The following C4orf50 variants were observed in gnomAD, a reference collection of about 807,000 sequenced individuals.
C4orf50 encodes the protein uncharacterized protein C4orf50.
A neutral mutation model predicts 77.2 loss-of-function variants in C4orf50; 80 were observed. The observed-to-expected ratio is 1.04, with a 90% CI of 0.87 to 1.25. C4orf50 has a LOEUF of 1.25. Ranked by LOEUF, C4orf50 falls within the 50% of genes most tolerant of loss-of-function variation. The pLI is 0.00. For missense variants in C4orf50, 1,257 were observed against 1,152.9 expected, an observed-to-expected ratio of 1.09 and a Z score of -1.31; for synonymous variants, 532 against 465.3, an observed-to-expected ratio of 1.14 and a Z score of -1.84.
intron 33 of C4orf50, among the ~76,000 whole-genome samples, chr4:5,962,255 G>T (rs907178752): frequency 1.3e-5 from 2 of 152,218 alleles, no homozygotes; most frequent in African/African-American, 4.8e-5. Flanking sequence ...CTGCCATCTT[G>T]CTGCAAAGAA....
Position 5,965,006 on chromosome 4 carries a change from T to C in C4orf50, c.4275+18A>G. Reference sequence around the variant, plus strand: ...AACAAAGTTCATTTAGGAAATGAGGTGACAGGTGCCTTCTCACCTTCAGAG... The same window carrying C: ...AACAAAGTTCATTTAGGAAATGAGGCGACAGGTGCCTTCTCACCTTCAGAG... On this transcript the variant is annotated intron_variant, in intron 33 of 33. Coordinates refer to ENST00000531445, the Ensembl canonical transcript of C4orf50. 6.2e-7 allele frequency: 1 copy of C among 1,603,770 alleles called. No individual in the cohort carries two copies. Among genetic ancestry groups the C allele is most frequent in the Non-Finnish European group, 8.5e-7 (1 of 1,175,670 alleles).
At chr4:5,936,091 C>G (rs1258681230) in intron 7 of C4orf50, among the ~76,000 whole-genome samples, 1 of 151,898 alleles carries the variant, frequency 6.6e-6, no homozygotes, top group African/African-American at 2.4e-5. Flanking sequence ...GTGGAAGGAA[C>G]CCACTTTGGT....
chr4:6,014,213 G>T (rs561390325), intron 23 of C4orf50, among the ~76,000 whole-genome samples: 7 of 152,092 alleles, frequency 4.6e-5, no homozygotes, highest in Non-Finnish European at 1.0e-4. Context: ...TGTTGGTCAG[G>T]CTGGTCTTGA....
chr4:5,904,931 C>T (rs940422585), intron 7 of C4orf50: 2 of 152,246 alleles, frequency 1.3e-5, no homozygotes, highest in East Asian at 1.9e-4. Context: ...GAGTGCACTC[C>T]GAGACAACCG....
intron 7 of C4orf50, among the ~76,000 whole-genome samples, chr4:5,912,259 G>A (rs1195458189): frequency 1.1e-4 from 1 of 9,028 alleles, no homozygotes; most frequent in Non-Finnish European, 5.1e-4. Flanking sequence ...CTCCACTCGT[G>A]TGTGTGTGTG....
chr4:5,988,779 G>T, exon 28 of C4orf50: 1 of 1,536,060 alleles, frequency 6.5e-7, no homozygotes, highest in African/African-American at 1.4e-5. Flanking sequence ...GAAGGTGCTC[G>T]TTCTCCCCAC....
At chr4:5,921,192 G>C (rs1717253556) in intron 7 of C4orf50, among the ~76,000 whole-genome samples, 1 of 152,336 alleles carries the variant, frequency 6.6e-6, no homozygotes, top group Non-Finnish European at 1.5e-5. Context: ...GTGTCCGGCG[G>C]GGATGTGCGG....
At position 5,933,111 on chromosome 4, in the gene C4orf50, C is replaced by T. The variant is rs114108499; in HGVS notation, c.*2474+23790G>A. On this transcript the variant is annotated intron_variant, in intron 7 of 7. Transcript: ENST00000324058. ...GTTGTCTTGTGCATCCTAAGCAATC[C>T]TAACAAGCCTCCTCTCTGCCTCTGG... is the stretch of plus-strand genomic sequence containing the variant. Among the ~76,000 whole-genome samples the T allele has an allele frequency of 3.3e-3, 498 of 152,304 alleles. 3 individuals are homozygous for T. The highest frequency in any genetic ancestry group is 0.011 in the African/African-American group (473 of 41,574).
rs1337853996 is a variant in C4orf50, at chr4:5,965,273, C to CT, written c.4154-129_4154-128insA. 1.4e-5 allele frequency: 14 copies of CT among 983,038 alleles called. No homozygotes were observed. In the African/African-American group the frequency reaches 2.5e-4, roughly 17 times the overall value. 60.9% of individuals were successfully genotyped at this position (983,038 alleles called of 1,614,324 possible). A position where few individuals can be genotyped will look rare whatever the true frequency, so the allele number is the denominator to read the frequency against. On this transcript the variant is annotated intron_variant, in intron 32 of 33. Coordinates refer to ENST00000531445, the Ensembl canonical transcript of C4orf50. ...CCAGATCATTCCCAGTTTCCATGCC[C>CT]CGGGGCAGAGGTCCTCTCAGATGCC...
intron 7 of C4orf50, among the ~76,000 whole-genome samples, chr4:5,937,578 CAT>C (rs1320776929): frequency 6.6e-6 from 1 of 152,064 alleles, no homozygotes; most frequent in African/African-American, 2.4e-5. Context: ...TTATGATATA[CAT>C]ATATCAGTTA....
chr4:5,918,072 C>A (rs937116595), intron 7 of C4orf50, among the ~76,000 whole-genome samples: 1 of 152,192 alleles, frequency 6.6e-6, no homozygotes, highest in African/African-American at 2.4e-5. Flanking sequence ...TGTGCTGTCA[C>A]TTCTGCTGTC....
intron 28 of C4orf50, among the ~76,000 whole-genome samples, chr4:5,986,982 G>A (rs1265847067): frequency 6.6e-6 from 1 of 152,082 alleles, no homozygotes; most frequent in Non-Finnish European, 1.5e-5. Flanking sequence ...AAAATGTGTG[G>A]GATGCTTAGA....
At position 6,015,050 on chromosome 4, in the gene C4orf50, A is replaced by C. The variant is rs1002299631; in HGVS notation, c.288-3082T>G. Among the ~76,000 whole-genome samples the C allele has an allele frequency of 2.0e-5, 3 of 152,040 alleles. No homozygotes were observed. Among genetic ancestry groups the C allele is most frequent in the Non-Finnish European group, 1.5e-5 (1 of 68,012 alleles). On this transcript the variant is annotated intron_variant, in intron 23 of 33. Coordinates refer to ENST00000531445, the Ensembl canonical transcript of C4orf50. The surrounding 1 kb of genome is among the most constrained non-coding windows in gnomAD (Gnocchi z 4.4). ...GGTTTCCACCACCAACCTTTCTAGA[A>C]GATTTGAATGTACAACCCTGTATGG...
chr4:5,993,985 G>A (rs562804498), intron 26 of C4orf50, among the ~76,000 whole-genome samples: 95 of 152,292 alleles, frequency 6.2e-4, no homozygotes, highest in African/African-American at 2.2e-3. Context: ...CCTGGGAAGT[G>A]GGGGGACAGG....
intron 7 of C4orf50, among the ~76,000 whole-genome samples, chr4:5,920,710 A>T (rs1409632056): frequency 6.6e-6 from 1 of 152,150 alleles, no homozygotes; most frequent in Non-Finnish European, 1.5e-5. Flanking sequence ...TCCTCACCTC[A>T]GGTGATCCAC....
chr4:5,910,546 G>C (rs549373587), intron 7 of C4orf50, among the ~76,000 whole-genome samples: 275 of 152,308 alleles, frequency 1.8e-3, no homozygotes, highest in African/African-American at 5.9e-3. Flanking sequence ...ATTATCTAGA[G>C]TGTGTCCTTG....
chr4:6,004,369 G>GTGATGGTGATGGTGA (rs1577992896), intron 25 of C4orf50, among the ~76,000 whole-genome samples: 7 of 120,894 alleles, frequency 5.8e-5, no homozygotes, highest in Non-Finnish European at 1.2e-4. Flanking sequence ...GGTGATGATG[G>GTGATGGTGATGGTGA]TGATGGTGAT....
intron 25 of C4orf50, among the ~76,000 whole-genome samples, chr4:6,006,121 C>T (rs1195668159): frequency 6.6e-6 from 1 of 151,940 alleles, no homozygotes; most frequent in Non-Finnish European, 1.5e-5. Context: ...TGTACAACAG[C>T]GAGAATAGGA....
At chr4:5,939,191 C>A (rs1230701136) in intron 7 of C4orf50, among the ~76,000 whole-genome samples, 1 of 151,912 alleles carries the variant, frequency 6.6e-6, no homozygotes, top group Non-Finnish European at 1.5e-5. Context: ...TGCAGTGAGC[C>A]GAGATCGCGC....
Sources: gnomAD v4.1 joint callset for allele counts (sites outside exome capture counted in the v4.1 genomes callset) on GRCh38, gnomAD v4.1.1 for gene constraint, Gnocchi (gnomAD v3.1) non-coding constraint, MANE v1.5 for transcripts, NCBI Gene and HGNC (gene_info 2026-07-23, HGNC 2026-07-21) for gene names.